Variants in PAPPA observed in about 807,000 individuals in gnomAD.
PAPPA encodes the protein pappalysin 1, also known as pappalysin-1.
A neutral mutation model predicts 164.0 loss-of-function variants in PAPPA; 60 were observed. The ratio of observed to expected loss-of-function variants is 0.37; its 90% CI spans 0.30 to 0.45. The LOEUF is 0.45. PAPPA is among the 20% of genes least tolerant of loss of function. PAPPA has a pLI of 1.00. For missense variants in PAPPA, 1,782 were observed against 2,087.3 expected, an observed-to-expected ratio of 0.85 and a Z score of 2.85; for synonymous variants, 875 against 814.1, an observed-to-expected ratio of 1.07 and a Z score of -1.27.
chr9:116,160,135 T>A (rs1281990743), intron 1 of PAPPA, among the ~76,000 whole-genome samples: 2 of 152,228 alleles, frequency 1.3e-5, no homozygotes, highest in Non-Finnish European at 2.9e-5. Context: ...TGATGTAGTC[T>A]GACATCCTCT....
intron 9 of PAPPA, among the ~76,000 whole-genome samples, chr9:116,282,820 G>T (rs1845283658): frequency 6.6e-6 from 1 of 152,136 alleles, no homozygotes; most frequent in Non-Finnish European, 1.5e-5. Flanking sequence ...CATAACAAAA[G>T]GATCCCAGGG....
At chr9:116,205,186 GA>G (rs377170995) in intron 2 of PAPPA, among the ~76,000 whole-genome samples, 15 of 147,506 alleles carry the variant, frequency 1.0e-4, no homozygotes, top group South Asian at 4.3e-4. Flanking sequence ...CCCAAAGTAT[GA>G]AAAAAAAAAT....
At chr9:116,278,329 C>T (rs1845226388) in intron 9 of PAPPA, among the ~76,000 whole-genome samples, 1 of 152,182 alleles carries the variant, frequency 6.6e-6, no homozygotes, top group Admixed American at 6.5e-5. Context: ...AGTCATATAG[C>T]CAGGTAGGTC....
chr9:116,268,287 A>G (rs2118819219), intron 8 of PAPPA, among the ~76,000 whole-genome samples: 1 of 152,344 alleles, frequency 6.6e-6, no homozygotes, highest in African/African-American at 2.4e-5. Flanking sequence ...TACAGTTTCC[A>G]ATGCAGTAAA....
chr9:116,285,171 C>CTTTCT (rs1186068742), intron 9 of PAPPA, among the ~76,000 whole-genome samples: 7 of 89,484 alleles, frequency 7.8e-5, no homozygotes, highest in African/African-American at 2.3e-4. Context: ...TTCTTTCTTT[C>CTTTCT]TTTTTTTTTT....
Position 116,300,372 on chromosome 9 carries a change from G to A in PAPPA, c.2954-2385G>A, listed in dbSNP as rs1436637345. On this transcript the variant is annotated intron_variant, in intron 9 of 21. Transcript: ENST00000328252. ...TACTCACTGCAGCTCTGACCTACTGGGCTCAATAAATCCTCCCACCTCAGC... is the reference window on the plus strand; with the variant it reads ...TACTCACTGCAGCTCTGACCTACTGAGCTCAATAAATCCTCCCACCTCAGC... 1.3e-5 allele frequency among the ~76,000 whole-genome samples: 2 copies of A among 151,698 alleles called. 1 individual carries two copies. Among genetic ancestry groups the A allele is most frequent in the Admixed American group, 1.3e-4 (2 of 15,250 alleles).
intron 9 of PAPPA, among the ~76,000 whole-genome samples, chr9:116,292,078 G>A (rs1268950008): frequency 6.6e-6 from 1 of 152,200 alleles, no homozygotes; most frequent in African/African-American, 2.4e-5. Flanking sequence ...GATACTTGTT[G>A]TGTCGATAGA....
At chr9:116,286,693 A>G (rs1845343638) in intron 9 of PAPPA, 1 of 152,212 alleles carries the variant, frequency 6.6e-6, no homozygotes, top group Admixed American at 6.5e-5. Flanking sequence ...TAAGTTATTG[A>G]GCCTGTGCAG....
chr9:116,162,803 C>T lies in PAPPA; in HGVS notation c.415+8216C>T, dbSNP rs150768885. On this transcript the variant is annotated intron_variant, in intron 1 of 21. Coordinates refer to ENST00000328252, the MANE Select transcript of PAPPA (RefSeq NM_002581.5). ...AATCTCAATAACTCTAGGAGTTAGA[C>T]ATACTTATCTCTTTTGGCAAAGCCA... Among the ~76,000 whole-genome samples the T allele has an allele frequency of 7.9e-5, 12 of 152,294 alleles. No homozygotes were observed. In the East Asian group the frequency reaches 2.1e-3, roughly 27 times the overall value.
chr9:116,181,844 A>G (rs887061837), intron 1 of PAPPA, among the ~76,000 whole-genome samples: 1 of 152,196 alleles, frequency 6.6e-6, no homozygotes, highest in Non-Finnish European at 1.5e-5. Context: ...GGAATAGATT[A>G]CTCTTTGGTA....
At chr9:116,256,228 T>C (rs988361324) in intron 7 of PAPPA, among the ~76,000 whole-genome samples, 6 of 151,924 alleles carry the variant, frequency 3.9e-5, no homozygotes, top group Admixed American at 2.6e-4. Context: ...ATTTTGACTT[T>C]GGTGAGAAGT....
At chr9:116,284,053 T>A (rs572351167) in intron 9 of PAPPA, among the ~76,000 whole-genome samples, 1 of 152,328 alleles carries the variant, frequency 6.6e-6, no homozygotes, top group East Asian at 1.9e-4. Flanking sequence ...ATTCATCACA[T>A]AGGCTTTTAT....
intron 7 of PAPPA, among the ~76,000 whole-genome samples, chr9:116,241,239 C>T (rs986752097): frequency 1.2e-4 from 18 of 152,314 alleles, no homozygotes; most frequent in Middle Eastern, 3.4e-3. Context: ...TAACTACTTT[C>T]TAACCTCTAG....
At chr9:116,303,625 C>G (rs561376521) in intron 10 of PAPPA, among the ~76,000 whole-genome samples, 21 of 152,320 alleles carry the variant, frequency 1.4e-4, no homozygotes, top group African/African-American at 5.1e-4. Context: ...GAAGCACCTG[C>G]CTTCCCCGAG....
chr9:116,264,907 C>T (rs990583688), intron 7 of PAPPA, among the ~76,000 whole-genome samples: 1 of 151,974 alleles, frequency 6.6e-6, no homozygotes, highest in Non-Finnish European at 1.5e-5. Context: ...TTGGCAGTAG[C>T]TGTGTTCATT....
intron 1 of PAPPA, among the ~76,000 whole-genome samples, chr9:116,160,548 A>G (rs181156070): frequency 4.6e-5 from 7 of 152,302 alleles, no homozygotes; most frequent in Admixed American, 4.6e-4. Context: ...ATCCCTCTGA[A>G]ACCAGCACTG....
intron 10 of PAPPA, among the ~76,000 whole-genome samples, chr9:116,311,053 G>A (rs1056979701): frequency 1.1e-4 from 13 of 115,418 alleles, no homozygotes; most frequent in African/African-American, 3.9e-4. Context: ...AACAACATGT[G>A]GACTTTTTTT....
rs1396391161 is a variant in PAPPA at position 116,302,914 on chromosome 9, A to C, written c.3111A>C (p.Pro1037=). The change falls in exon 10 of 22, where the codon CCA becomes CCC. Residue 1037 remains proline (P), a synonymous_variant. Transcript: ENST00000328252. Reference sequence around the variant, plus strand: ...TATCTCATCAAGACCAGCAATGCCCAGGCTGGGTCATCATCGGACAGCCAG... The same window carrying C: ...TATCTCATCAAGACCAGCAATGCCCCGGCTGGGTCATCATCGGACAGCCAG... The part of the protein sequence containing the change: ...ASVSHQDQQC[P]GWVIIGQPAA... 6.2e-7 allele frequency: 1 copy of C among 1,614,060 alleles called. No individual in the cohort carries two copies. The highest frequency in any genetic ancestry group is 8.5e-7 in the Non-Finnish European group (1 of 1,179,980).
intron 19 of PAPPA, among the ~76,000 whole-genome samples, chr9:116,372,308 A>G (rs1441342156): frequency 1.3e-5 from 2 of 152,212 alleles, no homozygotes; most frequent in Non-Finnish European, 2.9e-5. Context: ...CAATGTGGAA[A>G]TGTGGGCCTC....
Sources: gnomAD v4.1 joint callset for allele counts (sites outside exome capture counted in the v4.1 genomes callset) on GRCh38, gnomAD v4.1.1 for gene constraint, MANE v1.5 for transcripts, NCBI Gene and HGNC (gene_info 2026-07-23, HGNC 2026-07-21) for gene names.